Variants in CACNA1G observed in about 807,000 individuals in gnomAD.
CACNA1G encodes the protein calcium voltage-gated channel subunit alpha1 G.
CACNA1G carries 67 observed loss-of-function variants against 219.4 expected under a neutral mutation model. The observed-to-expected ratio is 0.31, with a 90% confidence interval of 0.25 to 0.37. The LOEUF (loss-of-function observed/expected upper bound fraction) is 0.37, where lower values mean the gene tolerates loss of function less well. Among genes scored for constraint, CACNA1G ranks in the 10% least tolerant of loss-of-function variants. The probability of loss-of-function intolerance (pLI) is 1.00; values close to 1 mark genes in which losing one functional copy is unlikely to be tolerated. For synonymous variants in CACNA1G, 1,296 were observed against 1,345.3 expected, an observed-to-expected ratio of 0.96 and a Z score of 0.80; for missense variants, 2,380 against 3,231.4, an observed-to-expected ratio of 0.74 and a Z score of 6.39.
At position 50,618,897 on chromosome 17, in the gene CACNA1G, C is replaced by T; in HGVS notation, c.5670C>T (p.Phe1890=). The change falls in exon 33 of 38, where the codon TTC becomes TTT. Residue 1890 remains phenylalanine, a synonymous_variant. Transcript: ENST00000359106. The surrounding 1 kb of genome is among the most constrained non-coding windows in gnomAD (Gnocchi z 5.3). ...PQPHSPLGSP[F]LWPGVEGPDS... is the part of the protein sequence containing the mutation. ...CCCACTCGCCACTGGGCAGCCCCTTCCTCTGGCCTGGGGTCGAGGGCCCCG... is the reference window on the plus strand; with the variant it reads ...CCCACTCGCCACTGGGCAGCCCCTTTCTCTGGCCTGGGGTCGAGGGCCCCG... 1 of 1,611,168 alleles carries T rather than the reference C, an allele frequency of 6.2e-7. No homozygotes were observed. The highest frequency in any genetic ancestry group is 1.1e-5 in the South Asian group (1 of 90,944).
At position 50,615,390 on chromosome 17, in the gene CACNA1G, T is replaced by C; in HGVS notation, c.4789T>C (p.Tyr1597His). The C allele has an allele frequency of 6.2e-7, 1 of 1,612,208 alleles. No individual in the cohort carries two copies. The highest frequency in any genetic ancestry group is 8.5e-7 in the Non-Finnish European group (1 of 1,178,566). ...EAQCKPYYSD[Y>H]SRFRLLVHHL... ...CCAGTGCAAACCTTACTACTCCGAC[T>C]ACTCCCGCTTCCGGCTCCTCGTCCA... is the stretch of plus-strand genomic sequence containing the variant. The change falls in exon 27 of 38, where the codon TAC becomes CAC. Residue 1597 changes from tyrosine to histidine, a missense_variant. By Grantham distance (83) the Tyr-to-His change is moderately conservative (BLOSUM62 2). Transcript: ENST00000359106.
At chr17:50,564,911 T>C (rs983503298) in intron 1 of CACNA1G, among the ~76,000 whole-genome samples, 1 of 152,126 alleles carries the variant, frequency 6.6e-6, no homozygotes, top group Non-Finnish European at 1.5e-5. Flanking sequence ...ACTTTCCTTC[T>C]GGGTCACACA....
Position 50,578,123 on chromosome 17 carries a change from TCA to T in CACNA1G, c.1925-62_1925-61del. ...ACTCCCTGACTCATTTTACACATAC[TCA>T]CAGGGCAGGGTAGCCCCAGGTACGA... On this transcript the variant is annotated intron_variant, in intron 8 of 37. Coordinates refer to ENST00000359106, the MANE Select transcript of CACNA1G (RefSeq NM_018896.5). The surrounding 1 kb of genome is among the most constrained non-coding windows in gnomAD (Gnocchi z 4.5). The T allele has an allele frequency of 6.7e-7, 1 of 1,485,602 alleles. No individual in the cohort carries two copies. Among genetic ancestry groups the T allele is most frequent in the Non-Finnish European group, 8.9e-7 (1 of 1,122,142 alleles). The allele number at this position is 1,485,602 out of a possible 1,614,324, so 92.0% of individuals were successfully genotyped here.
In CACNA1G at chr17:50,561,584, G is replaced by A. The variant is rs757289075; in HGVS notation, c.125G>A (p.Gly42Asp). 25 of 1,562,826 alleles carry A rather than the reference G, an allele frequency of 1.6e-5. No individual in the cohort carries two copies. The highest frequency in any genetic ancestry group is 2.0e-5 in the Non-Finnish European group (23 of 1,156,810). Residue 42 changes from glycine (G) to aspartate (D), a missense_variant, in exon 1 of 38, where the codon GGC (glycine) becomes GAC (aspartate). This residue lies in a region of CACNA1G where 98 missense variants were observed against 85.5 expected (regional missense o/e 1.15). Coordinates refer to ENST00000359106, the MANE Select transcript of CACNA1G (RefSeq NM_018896.5). ...PGPGSAEKDP[G>D]SADSEAEGLP... ...CCGGGGTCAGCAGAAAAGGACCCGG[G>A]CAGCGCGGACTCCGAGGCGGAGGGG...
rs1400029288 is a variant in CACNA1G, at chr17:50,603,235, G to A, written c.4169+36G>A. 1 of 1,573,854 alleles carries A rather than the reference G, an allele frequency of 6.4e-7. No homozygotes were observed. ...CCCCAGCACTGGAACACCTCCAAGA[G>A]GTGGCCCCCTCCGCAGGGACATCTC... On this transcript the variant is annotated intron_variant, in intron 21 of 37. Coordinates refer to ENST00000359106, the MANE Select transcript of CACNA1G (RefSeq NM_018896.5). The surrounding 1 kb of genome is among the most constrained non-coding windows in gnomAD (Gnocchi z 6.4).
chr17:50,580,464 C>T (rs565097471), intron 9 of CACNA1G, among the ~76,000 whole-genome samples: 3 of 152,308 alleles, frequency 2.0e-5, no homozygotes, highest in East Asian at 1.9e-4. Context: ...CCTGCCCAGC[C>T]GATGCTGCTG....
At position 50,600,746 on chromosome 17, in the gene CACNA1G, C is replaced by A; in HGVS notation, c.3711C>A (p.Arg1237=). 7 of 1,613,764 alleles carry A rather than the reference C, an allele frequency of 4.3e-6. No individual in the cohort carries two copies. The highest frequency in any genetic ancestry group is 5.9e-6 in the Non-Finnish European group (7 of 1,179,788). Residue 1237 remains arginine, a synonymous_variant, in exon 18 of 38, where the codon CGC becomes CGA. Coordinates refer to ENST00000359106, the MANE Select transcript of CACNA1G (RefSeq NM_018896.5). This position sits in a 1 kb window ranked among gnomAD's most constrained non-coding sequence, Gnocchi z 4.1. ...TGCAGAGCAAAGGGGAACGGGTCCG[C>A]GCGTGGATCCGAGCCCGACTCCCTG... ...EGNLSKGERV[R]AWIRARLPAC... is the part of the protein sequence containing the mutation.
chr17:50,574,136 C>T (rs1184937789), intron 7 of CACNA1G, among the ~76,000 whole-genome samples: 1 of 152,134 alleles, frequency 6.6e-6, no homozygotes, highest in Non-Finnish European at 1.5e-5. Flanking sequence ...ATTCAGCGCC[C>T]CAGAGGGTGG....
chr17:50,582,627 A>T (rs1371634016), intron 9 of CACNA1G, among the ~76,000 whole-genome samples: 1 of 151,606 alleles, frequency 6.6e-6, no homozygotes, highest in Non-Finnish European at 1.5e-5. Context: ...CTGGGGCCAG[A>T]CCTCTCCAGG....
intron 25 of CACNA1G, among the ~76,000 whole-genome samples, chr17:50,609,138 C>T (rs1056211893): frequency 6.6e-6 from 1 of 152,152 alleles, no homozygotes; most frequent in Non-Finnish European, 1.5e-5. Context: ...GAGGGGTTGC[C>T]GTGCCCCTGC....
chr17:50,626,152 C>T lies in CACNA1G; in HGVS notation c.6535C>T (p.Gln2179Ter). 1 of 1,613,828 alleles carries T rather than the reference C, an allele frequency of 6.2e-7. No homozygotes were observed. Among genetic ancestry groups the T allele is most frequent in the Non-Finnish European group, 8.5e-7 (1 of 1,179,864 alleles). Reference protein sequence around the residue: ...FWGQSSTQAQQHSRSHSKISK... With the variant: ...FWGQSSTQAQ ...GGGCCAGTCAAGTACCCAGGCACAGCAGCACTCCCGCAGCCACAGCAAGAT... is the reference window on the plus strand; with the variant it reads ...GGGCCAGTCAAGTACCCAGGCACAGTAGCACTCCCGCAGCCACAGCAAGAT... The change falls in exon 38 of 38, where the codon CAG (glutamine) becomes TAG (stop). Residue 2179 changes from glutamine (Q) to a stop codon, truncating the protein, a stop_gained. Coordinates refer to ENST00000359106, the MANE Select transcript of CACNA1G (RefSeq NM_018896.5). LOFTEE classifies it high-confidence loss of function. This position sits in a 1 kb window ranked among gnomAD's most constrained non-coding sequence, Gnocchi z 4.3.
chr17:50,604,284 G>A lies in CACNA1G; in HGVS notation c.4296+3G>A. 1 of 1,613,408 alleles carries A rather than the reference G, an allele frequency of 6.2e-7. No homozygotes were observed. The highest frequency in any genetic ancestry group is 8.5e-7 in the Non-Finnish European group (1 of 1,179,426). On this transcript the variant is annotated splice_donor_region_variant and intron_variant, in intron 22 of 37. Transcript: ENST00000359106. The stretch of plus-strand genomic sequence containing the variant: ...TTTTCGGCATCTTGGGGGTGCAGGT[G>A]TGTGGGGTTCTGGGGGCCAGCTGTG...
intron 25 of CACNA1G, among the ~76,000 whole-genome samples, chr17:50,608,226 G>A (rs945054521): frequency 9.9e-5 from 15 of 152,084 alleles, no homozygotes; most frequent in African/African-American, 3.6e-4. Flanking sequence ...CATGGGTAGG[G>A]GGAGCTGTCC....
chr17:50,626,499 T>C lies in CACNA1G; in HGVS notation c.6882T>C (p.Pro2294=). Reference sequence around the variant, plus strand: ...ACCCCTCTAACCTTGGGGGCCAGCCTCTTGGGGGGCCTGGGAGCCGGCCCA... The same window carrying C: ...ACCCCTCTAACCTTGGGGGCCAGCCCCTTGGGGGGCCTGGGAGCCGGCCCA... ...GTDPSNLGGQ[P]LGGPGSRPKK... is the part of the protein sequence containing the mutation. Residue 2294 remains proline (P), a synonymous_variant, in exon 38 of 38, where the codon CCT becomes CCC. Transcript: ENST00000359106. This position sits in a 1 kb window ranked among gnomAD's most constrained non-coding sequence, Gnocchi z 4.3. The C allele has an allele frequency of 6.3e-7, 1 of 1,585,376 alleles. No individual in the cohort carries two copies. Among genetic ancestry groups the C allele is most frequent in the Non-Finnish European group, 8.6e-7 (1 of 1,167,278 alleles).
intron 7 of CACNA1G, among the ~76,000 whole-genome samples, chr17:50,574,512 C>T (rs1341597133): frequency 2.0e-5 from 3 of 152,204 alleles, no homozygotes; most frequent in Non-Finnish European, 2.9e-5. Context: ...CTGGCCACCA[C>T]CTCAAGGGGT....
At chr17:50,589,498 C>T (rs1044948633) in intron 9 of CACNA1G, among the ~76,000 whole-genome samples, 5 of 152,166 alleles carry the variant, frequency 3.3e-5, no homozygotes, top group Non-Finnish European at 2.9e-5. Context: ...GGAGGCGGGG[C>T]GTGTGGCTGG....
At chr17:50,595,133 C>G in intron 14 of CACNA1G, 72 bp downstream of exon 14, 1 of 1,160,102 alleles carries the variant, frequency 8.6e-7, no homozygotes, top group South Asian at 1.3e-5. Context: ...GCCTCCGTGT[C>G]TCTGTGCTCG....
At chr17:50,573,185 G>A in intron 7 of CACNA1G, 72 bp downstream of exon 7, 1 of 1,131,596 alleles carries the variant, frequency 8.8e-7, no homozygotes, top group Non-Finnish European at 1.3e-6. Flanking sequence ...CCAGAGAGGG[G>A]ATAGTTTGCT....
chr17:50,621,625 G>T lies in CACNA1G; in HGVS notation c.5926-35G>T, dbSNP rs764429387. ...GTGCACGCGCGTGTGCGCTGTCCTG[G>T]TTTCTCATGCCTGATCATCTCTCTC... On this transcript the variant is annotated intron_variant, in intron 34 of 37. Transcript: ENST00000359106. This position sits in a 1 kb window ranked among gnomAD's most constrained non-coding sequence, Gnocchi z 4.6. 4 of 1,609,632 alleles carry T rather than the reference G, an allele frequency of 2.5e-6. No homozygotes were observed. Among genetic ancestry groups the T allele is most frequent in the Non-Finnish European group, 3.4e-6 (4 of 1,176,840 alleles).
Sources: gnomAD v4.1 joint callset for allele counts (sites outside exome capture counted in the v4.1 genomes callset) on GRCh38, gnomAD v4.1.1 for gene constraint, gnomAD v4.1.1 regional missense constraint, Gnocchi (gnomAD v3.1) non-coding constraint, MANE v1.5 for transcripts, NCBI Gene and HGNC (gene_info 2026-07-23, HGNC 2026-07-21) for gene names.